AP2B1: variants seen among roughly 807,000 people sequenced by gnomAD.
The protein encoded by AP2B1 is AP-2 complex subunit beta.
A neutral mutation model predicts 102.0 loss-of-function variants in AP2B1; 23 were observed. That is an observed-to-expected ratio of 0.23 (90% CI 0.16 to 0.32). The LOEUF is 0.32. AP2B1 is among the 10% of genes least tolerant of loss of function. The pLI is 1.00. For missense variants in AP2B1, 541 were observed against 1,157.4 expected (o/e 0.47, Z 7.73); for synonymous variants, 381 against 421.2 (o/e 0.90, Z 1.17).
intron 3 of AP2B1, 62 bp downstream of exon 3, chr17:35,598,397 T>A: frequency 1.0e-6 from 1 of 990,620 alleles, no homozygotes; most frequent in Non-Finnish European, 1.5e-6. Flanking sequence ...TTATGGCCTT[T>A]ACTGCTTTTC....
chr17:35,632,197 C>T lies in AP2B1; in HGVS notation c.1156-4144C>T, dbSNP rs558662552. Among the ~76,000 whole-genome samples the T allele has an allele frequency of 1.4e-3, 213 of 151,878 alleles. 1 individual carries two copies. Among genetic ancestry groups the T allele is most frequent in the African/African-American group, 5.0e-3 (207 of 41,406 alleles). ...CGCCCAGGCTGGAGTGCAAATGGCG[C>T]AATCTCAGCTCACTGCAACCTCTGC... On this transcript the variant is annotated intron_variant, in intron 9 of 21. Coordinates refer to ENST00000610402, the MANE Select transcript of AP2B1 (RefSeq NM_001030006.2).
At chr17:35,717,019 C>T (rs1393216143) in intron 20 of AP2B1, among the ~76,000 whole-genome samples, 176 bp from the exon 21 acceptor site, 1 of 152,202 alleles carries the variant, frequency 6.6e-6, no homozygotes, top group African/African-American at 2.4e-5. Flanking sequence ...AAGTCATGAA[C>T]CTGTTCTTCA....
At chr17:35,630,862 A>G (rs1156559988) in intron 9 of AP2B1, among the ~76,000 whole-genome samples, 1 of 152,114 alleles carries the variant, frequency 6.6e-6, no homozygotes, top group East Asian at 1.9e-4. Flanking sequence ...GTCATTTCAG[A>G]TTACCCAGAT....
chr17:35,680,159 C>T (rs587722690), intron 17 of AP2B1, among the ~76,000 whole-genome samples: 3 of 152,204 alleles, frequency 2.0e-5, no homozygotes, highest in East Asian at 3.9e-4. Context: ...CCACCAGCCT[C>T]GGCCTCCCAA....
At chr17:35,635,201 G>A (rs1030880138) in intron 9 of AP2B1, among the ~76,000 whole-genome samples, 1 of 152,012 alleles carries the variant, frequency 6.6e-6, no homozygotes, top group Non-Finnish European at 1.5e-5. Flanking sequence ...TTACAGGCAT[G>A]TGTGACCACT....
chr17:35,637,066 T>C (rs1270698365), intron 10 of AP2B1, among the ~76,000 whole-genome samples: 1 of 152,208 alleles, frequency 6.6e-6, no homozygotes, highest in African/African-American at 2.4e-5. Flanking sequence ...CCTCTTAGTA[T>C]ATGAAGCAAA....
chr17:35,640,693 T>G (rs2074753825), intron 11 of AP2B1, among the ~76,000 whole-genome samples: 1 of 152,220 alleles, frequency 6.6e-6, no homozygotes, highest in African/African-American at 2.4e-5. Flanking sequence ...GAGATGTGCC[T>G]AAGTATTTGC....
At chr17:35,637,239 C>T (rs2074632328) in intron 10 of AP2B1, among the ~76,000 whole-genome samples, 2 of 152,078 alleles carry the variant, frequency 1.3e-5, no homozygotes, top group African/African-American at 4.8e-5. Flanking sequence ...CAGGTGAGTG[C>T]AGTGGTGCGA....
chr17:35,682,601 C>T lies in AP2B1; in HGVS notation c.2325-94C>T. 4.4e-6 allele frequency: 6 copies of T among 1,350,308 alleles called. No individual in the cohort carries two copies. The South Asian group carries it at 7.5e-5, about 17-fold the overall frequency. 83.6% of individuals were successfully genotyped at this position (1,350,308 alleles called of 1,614,324 possible). On this transcript the variant is annotated intron_variant, in intron 17 of 21. Coordinates refer to ENST00000610402, the MANE Select transcript of AP2B1 (RefSeq NM_001030006.2). ...TCAGGTGATTCACCCACCTCAGCCT[C>T]CCAAAATGCTGGGATTACAGGCATG...
At chr17:35,675,383 T>G (rs1438123307) in intron 17 of AP2B1, among the ~76,000 whole-genome samples, 2 of 152,364 alleles carry the variant, frequency 1.3e-5, no homozygotes, top group African/African-American at 4.8e-5. Flanking sequence ...TTCTCATCAT[T>G]TGGAAACACT....
chr17:35,692,996 G>C (rs1168761983), intron 18 of AP2B1, among the ~76,000 whole-genome samples: 2 of 143,230 alleles, frequency 1.4e-5, no homozygotes, highest in African/African-American at 5.2e-5. Context: ...TTTTATGTTT[G>C]TTTTCTTTGG....
At chr17:35,589,880 T>A (rs1037464215) in intron 1 of AP2B1, among the ~76,000 whole-genome samples, 3 of 151,704 alleles carry the variant, frequency 2.0e-5, no homozygotes, top group Non-Finnish European at 4.4e-5. Context: ...AATATTAGAT[T>A]TTTTTTTTCT....
At position 35,680,692 on chromosome 17, in the gene AP2B1, TTTTTTTTG is replaced by T. The variant is rs2075801358; in HGVS notation, c.2325-1995_2325-1988del. On this transcript the variant is annotated intron_variant, in intron 17 of 21. Coordinates refer to ENST00000610402, the MANE Select transcript of AP2B1 (RefSeq NM_001030006.2). ...TGCCCAGTCTATGGTTTTGGTTTTT[TTTTTTTTG>T]TTTTTTTTTTTTTTTTCAGACAGTC... 8.8e-5 allele frequency among the ~76,000 whole-genome samples: 5 copies of T among 56,946 alleles called. No homozygotes were observed. In the South Asian group the frequency reaches 1.3e-3, roughly 15 times the overall value. 37.4% of individuals were successfully genotyped at this position (56,946 alleles called of 152,430 possible).
intron 7 of AP2B1, among the ~76,000 whole-genome samples, 195 bp downstream of exon 7, chr17:35,627,037 C>G (rs758852529): frequency 6.6e-6 from 1 of 152,072 alleles, no homozygotes; most frequent in Non-Finnish European, 1.5e-5. Context: ...AAATGCCATG[C>G]GTTGCTCCAC....
chr17:35,701,220 T>C (rs1202797177), intron 18 of AP2B1, among the ~76,000 whole-genome samples: 4 of 152,214 alleles, frequency 2.6e-5, no homozygotes, highest in African/African-American at 9.6e-5. Context: ...TATTACTTAC[T>C]CTTCATGAGA....
chr17:35,711,698 C>T (rs1245561733), intron 20 of AP2B1, among the ~76,000 whole-genome samples: 1 of 152,212 alleles, frequency 6.6e-6, no homozygotes, highest in Non-Finnish European at 1.5e-5. Context: ...TTCTTGATCT[C>T]CTGACCTTGT....
chr17:35,589,832 C>T (rs1042588272), intron 1 of AP2B1, among the ~76,000 whole-genome samples: 6 of 152,130 alleles, frequency 3.9e-5, no homozygotes, highest in African/African-American at 1.4e-4. Flanking sequence ...CATTTTCTCC[C>T]CCCATAGGAG....
At chr17:35,630,590 A>G (rs1434992601) in intron 9 of AP2B1, among the ~76,000 whole-genome samples, 4 of 152,182 alleles carry the variant, frequency 2.6e-5, no homozygotes, top group Non-Finnish European at 4.4e-5. Context: ...TACAAAAATT[A>G]TATCTTATTC....
intron 9 of AP2B1, among the ~76,000 whole-genome samples, chr17:35,635,812 A>C (rs998577551): frequency 2.6e-4 from 39 of 152,082 alleles, no homozygotes; most frequent in East Asian, 7.8e-4. Context: ...TTCTCCTGTC[A>C]AAGCCTCCCA....
Sources: gnomAD v4.1 joint callset for allele counts (sites outside exome capture counted in the v4.1 genomes callset) on GRCh38, gnomAD v4.1.1 for gene constraint, MANE v1.5 for transcripts, NCBI Gene and HGNC (gene_info 2026-07-23, HGNC 2026-07-21) for gene names.